The following EFEMP1 variants were observed in gnomAD, a reference collection of about 807,000 sequenced individuals.
EFEMP1 encodes EGF-like fibulin extracellular matrix protein 1.
In EFEMP1, 18 loss-of-function variants were observed where a neutral mutation model predicts 65.7. That is an observed-to-expected ratio of 0.27 (90% CI 0.19 to 0.41). The LOEUF (loss-of-function observed/expected upper bound fraction) is 0.41, where lower values mean the gene tolerates loss of function less well. Among genes scored for constraint, EFEMP1 ranks in the 10% least tolerant of loss-of-function variants. The pLI is 1.00. For synonymous variants in EFEMP1, 237 were observed against 219.7 expected, an observed-to-expected ratio of 1.08 and a Z score of -0.70; for missense variants, 469 against 624.8, an observed-to-expected ratio of 0.75 and a Z score of 2.66.
chr2:55,894,535 T>G (rs1239839027), intron 5 of EFEMP1, among the ~76,000 whole-genome samples: 1 of 103,436 alleles, frequency 9.7e-6, no homozygotes, highest in Non-Finnish European at 2.2e-5. Flanking sequence ...AGCAGCATGG[T>G]GATCTACACC....
chr2:55,872,597 A>G (rs1181009614), intron 9 of EFEMP1, among the ~76,000 whole-genome samples: 1 of 152,132 alleles, frequency 6.6e-6, no homozygotes, highest in Non-Finnish European at 1.5e-5. Flanking sequence ...GGCTCATTCA[A>G]GTTCATATAC....
Position 55,870,931 on chromosome 2 carries a change from A to G in EFEMP1, c.1125-16T>C, listed in dbSNP as rs780590305. 1.2e-6 allele frequency: 2 copies of G among 1,613,750 alleles called. No homozygotes were observed. Among genetic ancestry groups the G allele is most frequent in the Non-Finnish European group, 1.7e-6 (2 of 1,179,790 alleles). On this transcript the variant is annotated splice_polypyrimidine_tract_variant and intron_variant, in intron 10 of 11. Transcript: ENST00000355426. This position sits in a 1 kb window ranked among gnomAD's most constrained non-coding sequence, Gnocchi z 5.8. ...AACACATCGGCTGCAGAGACAAACA[A>G]AAGTATTCAGCAGTTTGGCTTGGTA...
intron 5 of EFEMP1, among the ~76,000 whole-genome samples, chr2:55,912,146 G>A (rs555542051): frequency 2.6e-5 from 4 of 152,092 alleles, no homozygotes; most frequent in Non-Finnish European, 5.9e-5. Flanking sequence ...ACTGCTTAAA[G>A]TACTTTTTTT....
rs1351452760 is a variant in EFEMP1, at chr2:55,923,272, A to G, written c.-48-333T>C. 6.6e-6 allele frequency among the ~76,000 whole-genome samples: 1 copy of G among 152,156 alleles called. No homozygotes were observed. The highest frequency in any genetic ancestry group is 1.5e-5 in the Non-Finnish European group (1 of 68,014). ...CAGGGATCGCACCGCAGCCCAAGGT[A>G]CCAGTTTCGGGCGGGCGGCCTGGCC... On this transcript the variant is annotated intron_variant, in intron 1 of 11. Transcript: ENST00000355426. This position sits in a 1 kb window ranked among gnomAD's most constrained non-coding sequence, Gnocchi z 5.3.
chr2:55,868,293 C>G (rs536161386), intron 11 of EFEMP1, among the ~76,000 whole-genome samples: 1 of 152,186 alleles, frequency 6.6e-6, no homozygotes, highest in South Asian at 2.1e-4. Context: ...TGCCAGGTAC[C>G]ATTCTATGTG....
At chr2:55,905,593 C>T (rs772281568) in intron 5 of EFEMP1, among the ~76,000 whole-genome samples, 9 of 151,978 alleles carry the variant, frequency 5.9e-5, no homozygotes, top group African/African-American at 1.5e-4. Flanking sequence ...GGACTACAGC[C>T]GCATGCCACC....
chr2:55,869,512 T>A (rs1472108845), intron 11 of EFEMP1, among the ~76,000 whole-genome samples: 2 of 152,130 alleles, frequency 1.3e-5, no homozygotes, highest in African/African-American at 2.4e-5. Context: ...CAGAAGTTGG[T>A]CATGAGAAAT....
At chr2:55,875,093 C>G (rs1238719644) in intron 8 of EFEMP1, 28 bp from the exon 9 acceptor site, 2 of 1,560,370 alleles carry the variant, frequency 1.3e-6, no homozygotes, top group Admixed American at 1.7e-5. Flanking sequence ...AGAAAGGACA[C>G]AGAGTTGAAA....
chr2:55,893,729 G>A (rs1237363749), intron 5 of EFEMP1, among the ~76,000 whole-genome samples: 2 of 152,204 alleles, frequency 1.3e-5, no homozygotes, highest in Non-Finnish European at 1.5e-5. Context: ...GCTATATACA[G>A]ATGGAAGGAA....
chr2:55,923,640 C>A lies in EFEMP1; in HGVS notation c.-49+71G>T, dbSNP rs921944163. On this transcript the variant is annotated intron_variant, in intron 1 of 11. Coordinates refer to ENST00000355426, the MANE Select transcript of EFEMP1 (RefSeq NM_001039348.3). This position sits in a 1 kb window ranked among gnomAD's most constrained non-coding sequence, Gnocchi z 5.3. ...ACTCAACACCCCTCAGCTCACCCCACCTCACTCTCCCGCGCGCGGCCCAGT... is the reference window on the plus strand; with the variant it reads ...ACTCAACACCCCTCAGCTCACCCCAACTCACTCTCCCGCGCGCGGCCCAGT... The A allele has an allele frequency of 1.0e-6, 1 of 985,570 alleles. No homozygotes were observed. Among genetic ancestry groups the A allele is most frequent in the Non-Finnish European group, 1.2e-6 (1 of 830,204 alleles). The allele number at this position is 985,570 out of a possible 1,614,324, so 61.1% of individuals were successfully genotyped here.
intron 5 of EFEMP1, among the ~76,000 whole-genome samples, chr2:55,908,941 C>T (rs780087057): frequency 3.9e-5 from 6 of 152,098 alleles, no homozygotes; most frequent in African/African-American, 9.7e-5. Context: ...AGGAATAACA[C>T]CAACCTGTTT....
chr2:55,891,854 A>G (rs916497923), intron 5 of EFEMP1, among the ~76,000 whole-genome samples: 3 of 152,134 alleles, frequency 2.0e-5, no homozygotes, highest in Non-Finnish European at 4.4e-5. Flanking sequence ...ATAACATTAA[A>G]TCAAGTGAGA....
intron 5 of EFEMP1, 151 bp from the exon 6 acceptor site, chr2:55,881,885 C>T (rs920389003): frequency 1.8e-6 from 2 of 1,089,724 alleles, no homozygotes; most frequent in African/African-American, 3.2e-5. Context: ...TAAATTATTT[C>T]AAGTGTTCAG....
At chr2:55,896,535 CCTT>C (rs1018374053) in intron 5 of EFEMP1, among the ~76,000 whole-genome samples, 2 of 152,150 alleles carry the variant, frequency 1.3e-5, no homozygotes, top group Non-Finnish European at 2.9e-5. Context: ...TTTCCCTACT[CCTT>C]ATGTTTGATA....
intron 5 of EFEMP1, among the ~76,000 whole-genome samples, chr2:55,895,691 G>A (rs1183575723): frequency 1.3e-5 from 2 of 151,720 alleles, no homozygotes; most frequent in African/African-American, 4.8e-5. Flanking sequence ...ACAGGCGCCC[G>A]CCACCTCGCC....
At chr2:55,905,660 G>A (rs1426131680) in intron 5 of EFEMP1, among the ~76,000 whole-genome samples, 1 of 152,128 alleles carries the variant, frequency 6.6e-6, no homozygotes, top group Non-Finnish European at 1.5e-5. Context: ...TGTTGGTCAG[G>A]CTGGTCTGGA....
chr2:55,898,430 C>A (rs975456801), intron 5 of EFEMP1, among the ~76,000 whole-genome samples: 13 of 152,032 alleles, frequency 8.6e-5, no homozygotes, highest in African/African-American at 3.1e-4. Flanking sequence ...AGAAAATAGT[C>A]CTTACGTAGC....
rs1669378111 is a variant in EFEMP1, at chr2:55,885,105, G to A, written c.518-3371C>T. Among the ~76,000 whole-genome samples the A allele has an allele frequency of 6.6e-6, 1 of 152,182 alleles. No homozygotes were observed. Among genetic ancestry groups the A allele is most frequent in the South Asian group, 2.1e-4 (1 of 4,836 alleles). On this transcript the variant is annotated intron_variant, in intron 5 of 11. Transcript: ENST00000355426. The surrounding 1 kb of genome is among the most constrained non-coding windows in gnomAD (Gnocchi z 4.3). The stretch of plus-strand genomic sequence containing the variant: ...GTTAGTAAAAGAAAAATGATGTTGA[G>A]CAAGTGAGTCCAGGAGTGCAGAGGC...
chr2:55,888,652 G>A (rs1669519500), intron 5 of EFEMP1, among the ~76,000 whole-genome samples: 1 of 151,408 alleles, frequency 6.6e-6, no homozygotes, highest in Non-Finnish European at 1.5e-5. Flanking sequence ...GAAAATGTTT[G>A]GGAAAAGAAA....
Sources: gnomAD v4.1 joint callset for allele counts (sites outside exome capture counted in the v4.1 genomes callset) on GRCh38, gnomAD v4.1.1 for gene constraint, Gnocchi (gnomAD v3.1) non-coding constraint, MANE v1.5 for transcripts, NCBI Gene and HGNC (gene_info 2026-07-23, HGNC 2026-07-21) for gene names.